The following SPAM1 variants were observed in gnomAD, a reference collection of about 807,000 sequenced individuals.
SPAM1 encodes hyaluronidase PH-20.
In SPAM1, 22 loss-of-function variants were observed where a neutral mutation model predicts 29.6. That is an observed-to-expected ratio of 0.74 (90% CI 0.53 to 1.06). The LOEUF is 1.06. Among genes scored for constraint, SPAM1 ranks in the 50% least tolerant of loss-of-function variants. The pLI is 0.00. For synonymous variants in SPAM1, 194 were observed against 204.6 expected (o/e 0.95, Z 0.44); for missense variants, 534 against 604.0 (o/e 0.88, Z 1.21).
At chr7:123,932,455 A>T (rs577006336) in intron 1 of SPAM1, 1 of 152,490 alleles carries the variant, frequency 6.6e-6, no homozygotes, top group East Asian at 1.9e-4. Context: ...GCCTATGAAG[A>T]TGAATAAAGA....
rs769313920 is a variant in SPAM1, at chr7:123,954,151, A to T, written c.581A>T (p.Lys194Met). The T allele has an allele frequency of 6.2e-7, 1 of 1,613,012 alleles. No individual in the cohort carries two copies. The highest frequency in any genetic ancestry group is 8.5e-7 in the Non-Finnish European group (1 of 1,179,582). Residue 194 changes from lysine to methionine, a missense_variant, in exon 3 of 5, where the codon AAG (lysine) becomes ATG (methionine). Lys to Met is a moderately conservative substitution (Grantham distance 95). Transcript: ENST00000682466. ...ATEKAKQEFE[K>M]AGKDFLVETI... ...GAGAAAGCAAAACAAGAATTTGAAAAGGCAGGGAAGGATTTCCTGGTAGAG... is the reference window on the plus strand; with the variant it reads ...GAGAAAGCAAAACAAGAATTTGAAATGGCAGGGAAGGATTTCCTGGTAGAG...
chr7:123,928,179 T>C (rs1807955020), intron 1 of SPAM1, among the ~76,000 whole-genome samples: 1 of 152,214 alleles, frequency 6.6e-6, no homozygotes, highest in Non-Finnish European at 1.5e-5. Flanking sequence ...TTTTTCATCT[T>C]GAGAGTACTG....
intron 1 of SPAM1, among the ~76,000 whole-genome samples, chr7:123,945,677 G>A (rs1358646782): frequency 6.6e-5 from 10 of 152,170 alleles, no homozygotes; most frequent in African/African-American, 1.4e-4. Flanking sequence ...GTCATTAGAA[G>A]CCTCTTTAGA....
At chr7:123,958,861 G>A (rs1792302950) in intron 4 of SPAM1, among the ~76,000 whole-genome samples, 1 of 151,756 alleles carries the variant, frequency 6.6e-6, no homozygotes, top group Non-Finnish European at 1.5e-5. Context: ...TCTGACAAAT[G>A]TGGTGCTTCT....
intron 1 of SPAM1, among the ~76,000 whole-genome samples, chr7:123,936,049 C>T (rs1181027557): frequency 6.6e-6 from 1 of 152,180 alleles, no homozygotes; most frequent in African/African-American, 2.4e-5. Context: ...ACTGTGTTCT[C>T]AACTACTCTC....
rs67180090 is a variant in SPAM1, at chr7:123,939,085, C to CTTT, written c.-318-10771_-318-10769dup. ...TCTCGCATTTAGATGATCTTCAAGTCTTTTTTTTTTTTTTTTTTGAGACAG... is the reference window on the plus strand; with the variant it reads ...TCTCGCATTTAGATGATCTTCAAGTCTTTTTTTTTTTTTTTTTTTTTGAGACAG... On this transcript the variant is annotated intron_variant, in intron 1 of 4. Transcript: ENST00000682466. 5.7e-4 allele frequency among the ~76,000 whole-genome samples: 71 copies of CTTT among 123,782 alleles called. 1 individual carries two copies. Among genetic ancestry groups the CTTT allele is most frequent in the African/African-American group, 1.5e-3 (50 of 32,614 alleles). 81.2% of individuals were successfully genotyped at this position (123,782 alleles called of 152,430 possible).
chr7:123,939,587 C>T (rs1380753603), intron 1 of SPAM1, among the ~76,000 whole-genome samples: 3 of 152,280 alleles, frequency 2.0e-5, no homozygotes, highest in African/African-American at 7.2e-5. Context: ...CAAAGGACAT[C>T]AAATTCGTTT....
At chr7:123,950,334 G>T (rs1225256535) in intron 2 of SPAM1, among the ~76,000 whole-genome samples, 1 of 151,910 alleles carries the variant, frequency 6.6e-6, no homozygotes, top group East Asian at 1.9e-4. Context: ...CATAATGGTA[G>T]GGTTTGGGCT....
chr7:123,946,470 G>A (rs1257575841), intron 1 of SPAM1, among the ~76,000 whole-genome samples: 1 of 152,132 alleles, frequency 6.6e-6, no homozygotes, highest in African/African-American at 2.4e-5. Flanking sequence ...AGGTATCTGA[G>A]ATATGTCTTA....
chr7:123,968,264 G>A (rs1390647668), intron 5 of SPAM1, among the ~76,000 whole-genome samples: 1 of 152,026 alleles, frequency 6.6e-6, no homozygotes, highest in Admixed American at 6.6e-5. Context: ...CTGAGAGCAG[G>A]TTATTCAGAA....
intron 1 of SPAM1, among the ~76,000 whole-genome samples, chr7:123,937,802 G>A (rs1808303623): frequency 1.3e-5 from 2 of 152,242 alleles, no homozygotes; most frequent in Admixed American, 1.3e-4. Context: ...CTGGATCTGA[G>A]TTCCTTAGTC....
At chr7:123,925,397 C>A (rs1807846570) in intron 1 of SPAM1, 45 bp downstream of exon 1, 1 of 152,162 alleles carries the variant, frequency 6.6e-6, no homozygotes, top group South Asian at 2.1e-4. Flanking sequence ...TATACCTGAT[C>A]TCCTGGTTGA....
intron 1 of SPAM1, among the ~76,000 whole-genome samples, chr7:123,925,697 C>CT (rs1396706844): frequency 6.7e-6 from 1 of 149,436 alleles, no homozygotes; most frequent in African/African-American, 2.5e-5. Flanking sequence ...GATCATGCCA[C>CT]TACACTCCAT....
intron 2 of SPAM1, among the ~76,000 whole-genome samples, chr7:123,950,289 G>A (rs946137682): frequency 6.6e-6 from 1 of 151,860 alleles, no homozygotes. Flanking sequence ...TTAGATTAAG[G>A]GTTACATGTT....
intron 1 of SPAM1, among the ~76,000 whole-genome samples, chr7:123,937,364 G>A (rs1471044247): frequency 6.6e-6 from 1 of 152,152 alleles, no homozygotes; most frequent in Non-Finnish European, 1.5e-5. Flanking sequence ...CATTTTGGGA[G>A]GCCAAGGCGG....
In SPAM1 at chr7:123,959,842, T is replaced by G; in HGVS notation, c.1403T>G (p.Phe468Cys). The change falls in exon 5 of 5, where the codon TTT (phenylalanine) becomes TGT (cysteine). Residue 468 changes from phenylalanine to cysteine, a missense_variant. Transcript: ENST00000682466. ...GCTGATGGTGTCTGTATAGATGCTT[T>G]TCTAAAACCTCCCATGGAGACAGAA... ...CIADGVCIDA[F>C]LKPPMETEEP... 6.2e-7 allele frequency: 1 copy of G among 1,613,174 alleles called. No homozygotes were observed. Among genetic ancestry groups the G allele is most frequent in the Non-Finnish European group, 8.5e-7 (1 of 1,179,534 alleles).
chr7:123,955,087 G>A lies in SPAM1; in HGVS notation c.1044+1G>A. On this transcript the variant is annotated splice_donor_variant, in intron 4 of 4. Coordinates refer to ENST00000682466, the MANE Select transcript of SPAM1 (RefSeq NM_153189.3). LOFTEE classifies it high-confidence loss of function. Reference sequence around the variant, plus strand: ...AACCCTCAGTATAATGCGAAGTATGGTAAGTTGAATTGGTAGAAAATAGGT... The same window carrying A: ...AACCCTCAGTATAATGCGAAGTATGATAAGTTGAATTGGTAGAAAATAGGT... 6.3e-7 allele frequency: 1 copy of A among 1,590,632 alleles called. No homozygotes were observed. The highest frequency in any genetic ancestry group is 8.6e-7 in the Non-Finnish European group (1 of 1,159,478).
intron 5 of SPAM1, among the ~76,000 whole-genome samples, chr7:123,969,352 AT>A (rs1792468352): frequency 6.6e-6 from 1 of 152,024 alleles, no homozygotes; most frequent in African/African-American, 2.4e-5. Flanking sequence ...TTAGCCATAA[AT>A]TCTGTACCCA....
chr7:123,939,821 T>A (rs905251011), intron 1 of SPAM1, among the ~76,000 whole-genome samples: 1 of 152,146 alleles, frequency 6.6e-6, no homozygotes, highest in African/African-American at 2.4e-5. Flanking sequence ...GGGTTCCTCA[T>A]CCTCCGTCAC....
Sources: gnomAD v4.1 joint callset for allele counts (sites outside exome capture counted in the v4.1 genomes callset) on GRCh38, gnomAD v4.1.1 for gene constraint, MANE v1.5 for transcripts, NCBI Gene and HGNC (gene_info 2026-07-23, HGNC 2026-07-21) for gene names.